CNGB3: variants seen among roughly 807,000 people sequenced by gnomAD.
The protein encoded by CNGB3 is cyclic nucleotide gated channel subunit beta 3.
CNGB3 carries 86 observed loss-of-function variants against 92.8 expected under a neutral mutation model. The observed-to-expected ratio is 0.93, with a 90% CI of 0.78 to 1.11. The LOEUF is 1.11. Among genes scored for constraint, CNGB3 ranks in the 50% least tolerant of loss-of-function variants. The probability of loss-of-function intolerance (pLI) is 0.00; values close to 1 mark genes in which losing one functional copy is unlikely to be tolerated. For synonymous variants in CNGB3, 333 were observed against 332.7 expected, an observed-to-expected ratio of 1.00 and a Z score of -0.01; for missense variants, 1,026 against 956.8, an observed-to-expected ratio of 1.07 and a Z score of -0.95.
chr8:86,663,094 T>TA (rs1390064210), intron 6 of CNGB3, among the ~76,000 whole-genome samples: 2 of 152,130 alleles, frequency 1.3e-5, no homozygotes, highest in African/African-American at 4.8e-5. Flanking sequence ...GAATTATGAG[T>TA]AAAGTGTAGG....
chr8:86,694,620 C>A (rs1445425149), intron 3 of CNGB3, among the ~76,000 whole-genome samples: 1 of 150,018 alleles, frequency 6.7e-6, no homozygotes, highest in Non-Finnish European at 1.5e-5. Flanking sequence ...ACCTCCCAGA[C>A]AGGGTCGCGG....
chr8:86,575,799 A>G lies in CNGB3; in HGVS notation c.*5T>C, dbSNP rs774763662. 2.2e-5 allele frequency: 35 copies of G among 1,612,508 alleles called. 1 individual carries two copies. In the South Asian group the frequency reaches 3.4e-4, roughly 16 times the overall value. ...GCTATATCACATCTAAAGATAATCA[A>G]ACATTTATTGCTTAGCCTTTTCTTT... On this transcript the variant is annotated 3_prime_UTR_variant, in exon 18 of 18. Transcript: ENST00000320005.
At chr8:86,658,601 A>C in intron 6 of CNGB3, 1 of 343,388 alleles carries the variant, frequency 2.9e-6, no homozygotes, top group Non-Finnish European at 5.5e-6. Context: ...GCTGCAGGTG[A>C]CCCAGGTACT....
At chr8:86,616,722 C>G (rs1229999067) in intron 13 of CNGB3, among the ~76,000 whole-genome samples, 1 of 152,118 alleles carries the variant, frequency 6.6e-6, no homozygotes, top group African/African-American at 2.4e-5. Flanking sequence ...CTTATCCTTA[C>G]CTGTTTAATT....
chr8:86,658,250 G>A (rs763630915), intron 6 of CNGB3: 17 of 543,092 alleles, frequency 3.1e-5, no homozygotes, highest in East Asian at 1.2e-4. Context: ...GCTCCTCCTC[G>A]GCACTGGCCA....
At chr8:86,678,382 C>T (rs1824015377) in intron 3 of CNGB3, among the ~76,000 whole-genome samples, 1 of 152,186 alleles carries the variant, frequency 6.6e-6, no homozygotes, top group Non-Finnish European at 1.5e-5. Flanking sequence ...TCCCTTTTCA[C>T]ATTCACCTCT....
chr8:86,686,156 C>T (rs747000852), intron 3 of CNGB3, among the ~76,000 whole-genome samples: 39 of 152,132 alleles, frequency 2.6e-4, no homozygotes, highest in African/African-American at 3.9e-4. Flanking sequence ...TCAAATTTTA[C>T]GGTCCAAATT....
At chr8:86,713,571 A>T (rs1007815749) in intron 3 of CNGB3, among the ~76,000 whole-genome samples, 7 of 152,200 alleles carry the variant, frequency 4.6e-5, no homozygotes, top group Admixed American at 2.0e-4. Flanking sequence ...TCATAAATGA[A>T]GATAAATATT....
intron 7 of CNGB3, among the ~76,000 whole-genome samples, chr8:86,649,403 A>G (rs765285657): frequency 2.6e-5 from 4 of 151,202 alleles, no homozygotes; most frequent in Non-Finnish European, 5.9e-5. Flanking sequence ...GCATTACACT[A>G]CCAGACTTAT....
rs767794088 is a variant in CNGB3, at chr8:86,662,029, C to G, written c.852+4896G>C. The G allele has an allele frequency of 1.8e-4, 64 of 351,674 alleles. 1 individual carries two copies. Among genetic ancestry groups the G allele is most frequent in the Non-Finnish European group, 2.9e-4 (56 of 193,380 alleles). 21.8% of individuals were successfully genotyped at this position (351,674 alleles called of 1,614,324 possible). ...AATGTGTAAATATTCAGGAGACTGG[C>G]CCAGGTGCAGGGCTGCGAGGGTGCG... On this transcript the variant is annotated intron_variant, in intron 6 of 17. Transcript: ENST00000320005.
chr8:86,587,182 T>C (rs1434858767), intron 15 of CNGB3, among the ~76,000 whole-genome samples: 3 of 147,042 alleles, frequency 2.0e-5, no homozygotes, highest in Non-Finnish European at 4.5e-5. Flanking sequence ...TTTGATGGGG[T>C]TGTTTGTTTT....
rs147263228 is a variant in CNGB3, at chr8:86,611,140, G to A, written c.1662+448C>T. 7.4e-4 allele frequency among the ~76,000 whole-genome samples: 113 copies of A among 152,158 alleles called. 1 individual carries two copies. The highest frequency in any genetic ancestry group is 2.4e-3 in the Admixed American group (37 of 15,276). On this transcript the variant is annotated intron_variant, in intron 14 of 17. Coordinates refer to ENST00000320005, the MANE Select transcript of CNGB3 (RefSeq NM_019098.5). ...TTTTCTATTTTAAAATAATGAACAT[G>A]CATTATTTTGTAATCATAAAAAGCA...
rs150878867 is a variant in CNGB3 at position 86,579,118 on chromosome 8, A to G, written c.1916T>C (p.Met639Thr). 1.2e-6 allele frequency: 2 copies of G among 1,614,026 alleles called. No homozygotes were observed. The highest frequency in any genetic ancestry group is 2.7e-5 in the African/African-American group (2 of 74,924). ...VHYPDSERIL[M>T]KKARVLLKQK... ...TTAAAGGTTGTACCTGGCTTTCTTC[A>G]TGAGGATCCTTTCAGAATCTGGATA... Residue 639 changes from methionine (M) to threonine (T), a missense_variant, in exon 16 of 18, where the codon ATG (methionine) becomes ACG (threonine). Met to Thr is a moderately conservative substitution (Grantham distance 81). Coordinates refer to ENST00000320005, the MANE Select transcript of CNGB3 (RefSeq NM_019098.5).
chr8:86,628,266 A>T (rs117401507), intron 12 of CNGB3, among the ~76,000 whole-genome samples: 6,457 of 152,218 alleles, frequency 0.042, 179 homozygotes, highest in Non-Finnish European at 0.068. Flanking sequence ...TTTCTAGTAG[A>T]GATGGAGTTT....
At chr8:86,654,129 AT>A in intron 6 of CNGB3, 67 bp from the exon 7 acceptor site, 1 of 1,036,214 alleles carries the variant, frequency 9.7e-7, no homozygotes, top group Non-Finnish European at 1.5e-6. Context: ...TCACTTTTAA[AT>A]TTATAACTGT....
chr8:86,598,762 G>C (rs562520566), intron 15 of CNGB3, among the ~76,000 whole-genome samples: 1 of 152,072 alleles, frequency 6.6e-6, no homozygotes, highest in Admixed American at 6.6e-5. Flanking sequence ...CTTATAAAAA[G>C]TGTCCTTAGG....
Position 86,672,879 on chromosome 8 carries a change from A to G in CNGB3, c.339-1781T>C, listed in dbSNP as rs561613951. Reference sequence around the variant, plus strand: ...CTCCAAGTATGTCACATTAGGACATATAAAAGCCTACTTAAGGATGGTAGA... The same window carrying G: ...CTCCAAGTATGTCACATTAGGACATGTAAAAGCCTACTTAAGGATGGTAGA... On this transcript the variant is annotated intron_variant, in intron 3 of 17. Coordinates refer to ENST00000320005, the MANE Select transcript of CNGB3 (RefSeq NM_019098.5). Among the ~76,000 whole-genome samples, 49 of 152,366 alleles carry G rather than the reference A, an allele frequency of 3.2e-4. 3 individuals carry two copies. In the South Asian group the frequency reaches 9.1e-3, roughly 28 times the overall value.
At chr8:86,586,266 A>G (rs1821887062) in intron 15 of CNGB3, among the ~76,000 whole-genome samples, 2 of 152,198 alleles carry the variant, frequency 1.3e-5, no homozygotes, top group South Asian at 4.1e-4. Flanking sequence ...GTATGCAGAT[A>G]GCCAATTAGC....
At chr8:86,621,252 T>C (rs1359331666) in intron 13 of CNGB3, among the ~76,000 whole-genome samples, 1 of 152,124 alleles carries the variant, frequency 6.6e-6, no homozygotes, top group African/African-American at 2.4e-5. Context: ...GTATAACGAG[T>C]TTTATAATAT....
Sources: allele counts gnomAD v4.1 joint callset (sites outside exome capture counted in the v4.1 genomes callset), GRCh38; gene constraint gnomAD v4.1.1; transcripts MANE v1.5; gene names NCBI Gene and HGNC (gene_info 2026-07-23, HGNC 2026-07-21).